The following DOCK5 variants were observed in gnomAD, a reference collection of about 807,000 sequenced individuals.
DOCK5 encodes dedicator of cytokinesis 5.
A neutral mutation model predicts 251.8 loss-of-function variants in DOCK5; 142 were observed. That is an observed-to-expected ratio of 0.56 (90% CI 0.49 to 0.65). The LOEUF (loss-of-function observed/expected upper bound fraction) is 0.65, where lower values mean the gene tolerates loss of function less well. Among genes scored for constraint, DOCK5 ranks in the 30% least tolerant of loss-of-function variants. DOCK5 has a pLI of 0.00. For missense variants in DOCK5, 2,111 were observed against 2,312.3 expected, an observed-to-expected ratio of 0.91 and a Z score of 1.79; for synonymous variants, 842 against 835.5, an observed-to-expected ratio of 1.01 and a Z score of -0.13.
intron 16 of DOCK5, among the ~76,000 whole-genome samples, chr8:25,322,785 A>C (rs561634849): frequency 4.6e-5 from 7 of 152,214 alleles, no homozygotes; most frequent in Non-Finnish European, 8.8e-5. Context: ...GCACCCAGAC[A>C]ATCTGATTCT....
At position 25,410,160 on chromosome 8, in the gene DOCK5, C is replaced by A. The variant is rs749632655; in HGVS notation, c.5466C>A (p.Pro1822=). 6.2e-7 allele frequency: 1 copy of A among 1,613,710 alleles called. No homozygotes were observed. Among genetic ancestry groups the A allele is most frequent in the Non-Finnish European group, 8.5e-7 (1 of 1,179,838 alleles). Residue 1822 remains proline, a synonymous_variant, in exon 51 of 52, where the codon CCC becomes CCA. Transcript: ENST00000276440. ...CTCCTGTCCCACCTCCACCTCCCCC[C>A]AAAAGCAAGCCCTATGAAGGCAGCC... The part of the protein sequence containing the change: ...AATPVPPPPP[P]KSKPYEGSQR...
chr8:25,319,978 A>AT (rs1315822883), intron 15 of DOCK5, among the ~76,000 whole-genome samples: 3 of 152,144 alleles, frequency 2.0e-5, no homozygotes, highest in African/African-American at 7.2e-5. Context: ...GTTTCCTAAC[A>AT]TTTTTTTATT....
intron 1 of DOCK5, among the ~76,000 whole-genome samples, chr8:25,231,455 C>T (rs1372817387): frequency 6.6e-6 from 1 of 152,128 alleles, no homozygotes; most frequent in Non-Finnish European, 1.5e-5. Context: ...CACTTTTTAT[C>T]ATAACCAAGC....
chr8:25,310,634 C>T (rs1805065737), intron 13 of DOCK5, 102 bp downstream of exon 13: 5 of 1,380,890 alleles, frequency 3.6e-6, no homozygotes, highest in Non-Finnish European at 4.8e-6. Flanking sequence ...TGGTTATTTA[C>T]ATTCATTGGT....
chr8:25,410,238 G>A, intron 51 of DOCK5, 36 bp downstream of exon 51: 1 of 1,578,774 alleles, frequency 6.3e-7, no homozygotes, highest in East Asian at 2.3e-5. Context: ...TGGCCAGGGA[G>A]CGCCACTCCT....
At chr8:25,243,040 C>G (rs998256245) in intron 1 of DOCK5, among the ~76,000 whole-genome samples, 1 of 152,208 alleles carries the variant, frequency 6.6e-6, no homozygotes, top group African/African-American at 2.4e-5. Flanking sequence ...TGGATTGTTT[C>G]TTTCCTAACA....
At chr8:25,195,959 C>G (rs1801714556) in intron 1 of DOCK5, among the ~76,000 whole-genome samples, 1 of 152,182 alleles carries the variant, frequency 6.6e-6, no homozygotes, top group Non-Finnish European at 1.5e-5. Flanking sequence ...ATTCATCTTG[C>G]TTACCATCAG....
intron 28 of DOCK5, among the ~76,000 whole-genome samples, chr8:25,362,462 C>CTTTTTTTTTTT (rs869096662): frequency 1.0e-3 from 57 of 54,634 alleles, no homozygotes; most frequent in East Asian, 2.9e-3. Flanking sequence ...CTTTTCTTTT[C>CTTTTTTTTTTT]TTTTTTTTTT....
chr8:25,332,273 T>C lies in DOCK5; in HGVS notation c.1926T>C (p.Asn642=). ...TQNVDLLGLL[N]WRSNSQNIKH... ...TAGTTGACCTGTTAGGCTTGTTAAATTGGCGTTCCAACTCCCAGAACATTA... is the reference window on the plus strand; with the variant it reads ...TAGTTGACCTGTTAGGCTTGTTAAACTGGCGTTCCAACTCCCAGAACATTA... Residue 642 remains asparagine (N), a synonymous_variant, in exon 19 of 52, where the codon AAT becomes AAC. Transcript: ENST00000276440. 6.2e-7 allele frequency: 1 copy of C among 1,613,592 alleles called. No homozygotes were observed. Among genetic ancestry groups the C allele is most frequent in the Non-Finnish European group, 8.5e-7 (1 of 1,179,668 alleles).
At chr8:25,239,100 C>G (rs1276706449) in intron 1 of DOCK5, among the ~76,000 whole-genome samples, 2 of 152,154 alleles carry the variant, frequency 1.3e-5, no homozygotes, top group African/African-American at 2.4e-5. Context: ...TGGATTGTTA[C>G]AAATCAAGAC....
At chr8:25,192,593 C>A (rs921388084) in intron 1 of DOCK5, among the ~76,000 whole-genome samples, 31 of 152,128 alleles carry the variant, frequency 2.0e-4, no homozygotes, top group Non-Finnish European at 4.0e-4. Context: ...GCTGCCTGGA[C>A]TTCCTGAGCT....
At chr8:25,388,881 T>C (rs1016022772) in intron 40 of DOCK5, 23 of 550,534 alleles carry the variant, frequency 4.2e-5, no homozygotes, top group Admixed American at 3.1e-4. Flanking sequence ...CTAAGTATTT[T>C]TTATGCCTGT....
chr8:25,279,910 C>G lies in DOCK5; in HGVS notation c.321+1245C>G, dbSNP rs1249876233. 2.0e-5 allele frequency among the ~76,000 whole-genome samples: 3 copies of G among 152,160 alleles called. No individual in the cohort carries two copies. The East Asian group carries it at 5.8e-4, about 29-fold the overall frequency. On this transcript the variant is annotated intron_variant, in intron 5 of 51. Coordinates refer to ENST00000276440, the MANE Select transcript of DOCK5 (RefSeq NM_024940.8). ...AAAGTGTTGAGATTACAGGAGTGAGCCACCATGGCCGGCTAATTTTGTGTG... is the reference window on the plus strand; with the variant it reads ...AAAGTGTTGAGATTACAGGAGTGAGGCACCATGGCCGGCTAATTTTGTGTG...
At chr8:25,230,898 T>C (rs1417864779) in intron 1 of DOCK5, among the ~76,000 whole-genome samples, 1 of 152,088 alleles carries the variant, frequency 6.6e-6, no homozygotes, top group African/African-American at 2.4e-5. Context: ...GCGAAGAGTA[T>C]GAAGAAGAAC....
intron 28 of DOCK5, among the ~76,000 whole-genome samples, chr8:25,359,500 G>C (rs183607931): frequency 3.3e-5 from 5 of 152,324 alleles, no homozygotes; most frequent in Admixed American, 2.0e-4. Flanking sequence ...CAACTGGTCC[G>C]TGTGGCCTGT....
At chr8:25,371,950 G>C (rs551901731) in intron 34 of DOCK5, among the ~76,000 whole-genome samples, 7 of 152,190 alleles carry the variant, frequency 4.6e-5, no homozygotes, top group Non-Finnish European at 1.0e-4. Context: ...TGGGTCCAAA[G>C]GGACAGGATT....
chr8:25,241,860 G>C (rs969867070), intron 1 of DOCK5, among the ~76,000 whole-genome samples: 1 of 152,116 alleles, frequency 6.6e-6, no homozygotes, highest in Admixed American at 6.6e-5. Flanking sequence ...GCAGGGACAT[G>C]GGTGAAGCTG....
At chr8:25,377,914 T>TG (rs1800993570) in intron 38 of DOCK5, among the ~76,000 whole-genome samples, 1 of 151,256 alleles carries the variant, frequency 6.6e-6, no homozygotes, top group South Asian at 2.1e-4. Flanking sequence ...GGGTTTCTTT[T>TG]TTTTTTTTTT....
At chr8:25,259,661 A>G (rs759653339) in intron 2 of DOCK5, among the ~76,000 whole-genome samples, 20 of 152,136 alleles carry the variant, frequency 1.3e-4, no homozygotes, top group Admixed American at 3.9e-4. Context: ...AGGTCTTACT[A>G]TGTTGCCCAG....
Sources: allele counts gnomAD v4.1 joint callset (sites outside exome capture counted in the v4.1 genomes callset), GRCh38; gene constraint gnomAD v4.1.1; transcripts MANE v1.5; gene names NCBI Gene and HGNC (gene_info 2026-07-23, HGNC 2026-07-21).